FHIT: variants seen among roughly 807,000 people sequenced by gnomAD.
The protein encoded by FHIT is fragile histidine triad diadenosine triphosphatase.
Under a neutral mutation model 17.9 loss-of-function variants are expected in FHIT, and 19 were observed. The observed-to-expected ratio is 1.06, with a 90% CI of 0.74 to 1.56. The LOEUF (loss-of-function observed/expected upper bound fraction) is 1.56, where lower values mean the gene tolerates loss of function less well. Ranked by LOEUF, FHIT falls within the 40% of genes most tolerant of loss-of-function variation. The pLI is 0.00. For missense variants in FHIT, 248 were observed against 189.2 expected (o/e 1.31, Z -1.82); for synonymous variants, 81 against 69.7 (o/e 1.16, Z -0.81).
chr3:60,982,351 T>C (rs1343132843), intron 3 of FHIT, among the ~76,000 whole-genome samples: 1 of 152,220 alleles, frequency 6.6e-6, no homozygotes, highest in Non-Finnish European at 1.5e-5. Context: ...CTGTGGAGCT[T>C]TGGGCCAGCT....
At chr3:61,094,078 A>C (rs2035564975) in intron 2 of FHIT, among the ~76,000 whole-genome samples, 1 of 152,062 alleles carries the variant, frequency 6.6e-6, no homozygotes, top group African/African-American at 2.4e-5. Flanking sequence ...AATTAAAAAG[A>C]AAAAATTACA....
chr3:60,997,023 C>T (rs760649089), intron 3 of FHIT, among the ~76,000 whole-genome samples: 1 of 152,196 alleles, frequency 6.6e-6, no homozygotes, highest in Non-Finnish European at 1.5e-5. Flanking sequence ...GGCTTCTCAG[C>T]ATTATTGAGT....
At position 60,412,400 on chromosome 3, in the gene FHIT, C is replaced by A. The variant is rs554260605; in HGVS notation, c.103+124460G>T. Among the ~76,000 whole-genome samples, 27 of 152,024 alleles carry A rather than the reference C, an allele frequency of 1.8e-4. No homozygotes were observed. The South Asian group carries it at 5.4e-3, about 31-fold the overall frequency. On this transcript the variant is annotated intron_variant, in intron 5 of 9. Coordinates refer to ENST00000492590, the MANE Select transcript of FHIT (RefSeq NM_002012.4). Reference sequence around the variant, plus strand: ...ATAAGACCAGTTTCACATTTAGGTCCCTAGAGATTCACAATCATCATCTCC... The same window carrying A: ...ATAAGACCAGTTTCACATTTAGGTCACTAGAGATTCACAATCATCATCTCC...
At chr3:60,099,851 C>G (rs1325934572) in intron 5 of FHIT, among the ~76,000 whole-genome samples, 1 of 152,174 alleles carries the variant, frequency 6.6e-6, no homozygotes, top group African/African-American at 2.4e-5. Context: ...AAAGCGGAAA[C>G]TCTGGCTGAT....
chr3:59,834,796 CAGAT>C (rs1056480839), intron 8 of FHIT, among the ~76,000 whole-genome samples: 3 of 152,118 alleles, frequency 2.0e-5, no homozygotes, highest in Admixed American at 6.5e-5. Flanking sequence ...CAGTCTATAA[CAGAT>C]AGACAGATAT....
At chr3:59,929,363 G>GTTTTTTTTT (rs869243844) in intron 7 of FHIT, among the ~76,000 whole-genome samples, 96 of 67,056 alleles carry the variant, frequency 1.4e-3, no homozygotes, top group South Asian at 2.7e-3. Context: ...TGTTTTTTTG[G>GTTTTTTTTT]TTTTTTTTTT....
intron 4 of FHIT, among the ~76,000 whole-genome samples, chr3:60,552,619 C>A (rs1479887912): frequency 6.6e-6 from 1 of 152,156 alleles, no homozygotes; most frequent in Non-Finnish European, 1.5e-5. Context: ...AGCCCTTACT[C>A]CAGCCTGTTC....
intron 4 of FHIT, chr3:60,730,666 G>T (rs1553710891): frequency 6.6e-6 from 1 of 152,508 alleles, no homozygotes; most frequent in African/African-American, 2.4e-5. Context: ...CAGAGGCCAG[G>T]ACTCGCACTG....
At chr3:60,148,026 G>T (rs1182276046) in intron 5 of FHIT, among the ~76,000 whole-genome samples, 1 of 152,146 alleles carries the variant, frequency 6.6e-6, no homozygotes, top group Non-Finnish European at 1.5e-5. Flanking sequence ...CTTTCCATGG[G>T]ATGTGCTAGA....
Position 59,865,221 on chromosome 3 carries a change from G to T in FHIT, c.348+57125C>A, listed in dbSNP as rs189497614. ...AAAGCATAAAAAATTAATACTGTGG[G>T]ATTAGCATTATTATAGAAATACATT... On this transcript the variant is annotated intron_variant, in intron 8 of 9. Transcript: ENST00000492590. 1.2e-3 allele frequency among the ~76,000 whole-genome samples: 178 copies of T among 152,310 alleles called. 1 individual carries two copies. Among genetic ancestry groups the T allele is most frequent in the Non-Finnish European group, 2.2e-3 (151 of 68,012 alleles).
intron 3 of FHIT, among the ~76,000 whole-genome samples, chr3:60,969,951 G>A (rs1389020745): frequency 6.6e-6 from 1 of 152,030 alleles, no homozygotes; most frequent in Non-Finnish European, 1.5e-5. Flanking sequence ...TGCAACCTCT[G>A]CCTCCCAGGC....
At chr3:60,985,007 G>A (rs1199168315) in intron 3 of FHIT, among the ~76,000 whole-genome samples, 1 of 152,094 alleles carries the variant, frequency 6.6e-6, no homozygotes, top group Admixed American at 6.5e-5. Context: ...TGATATTCAG[G>A]CAATGGTGAG....
chr3:60,618,974 C>G (rs2107748046), intron 4 of FHIT, among the ~76,000 whole-genome samples: 1 of 151,642 alleles, frequency 6.6e-6, no homozygotes, highest in South Asian at 2.1e-4. Context: ...TGCAGTACGG[C>G]TGGTACCTTT....
At chr3:60,731,902 G>A (rs562189519) in intron 4 of FHIT, among the ~76,000 whole-genome samples, 1 of 152,226 alleles carries the variant, frequency 6.6e-6, no homozygotes, top group East Asian at 1.9e-4. Context: ...CTGACTAGCT[G>A]ACTAGCTACC....
intron 7 of FHIT, among the ~76,000 whole-genome samples, chr3:60,006,656 A>G (rs994517178): frequency 6.9e-6 from 1 of 144,050 alleles, no homozygotes; most frequent in African/African-American, 2.5e-5. Flanking sequence ...TCCGCATTCA[A>G]AAAAAAAAAA....
chr3:60,351,527 G>A (rs1420015761), intron 5 of FHIT, among the ~76,000 whole-genome samples: 3 of 152,150 alleles, frequency 2.0e-5, no homozygotes, highest in Non-Finnish European at 4.4e-5. Context: ...GGAGACTATG[G>A]TGAAGGAGTT....
chr3:60,899,333 T>C (rs368673565), intron 3 of FHIT, among the ~76,000 whole-genome samples: 1 of 152,236 alleles, frequency 6.6e-6, no homozygotes, highest in African/African-American at 2.4e-5. Flanking sequence ...TAATATTGCC[T>C]TTTGTATCTC....
chr3:60,571,958 G>T (rs1189158582), intron 4 of FHIT, among the ~76,000 whole-genome samples: 1 of 152,074 alleles, frequency 6.6e-6, no homozygotes, highest in Admixed American at 6.6e-5. Context: ...CATTTCTTTG[G>T]TCATTGCTTT....
intron 5 of FHIT, among the ~76,000 whole-genome samples, chr3:60,408,152 A>G (rs190616406): frequency 1.3e-5 from 2 of 152,148 alleles, no homozygotes; most frequent in African/African-American, 4.8e-5. Flanking sequence ...AATTCTATAA[A>G]CATTCTTTTC....
Sources: allele counts gnomAD v4.1 joint callset (sites outside exome capture counted in the v4.1 genomes callset), GRCh38; gene constraint gnomAD v4.1.1; transcripts MANE v1.5; gene names NCBI Gene and HGNC (gene_info 2026-07-23, HGNC 2026-07-21).